Variants in THSD7A observed in about 807,000 individuals in gnomAD.
THSD7A encodes thrombospondin type-1 domain-containing protein 7A.
In THSD7A, 96 loss-of-function variants were observed where a neutral mutation model predicts 231.3. The ratio of observed to expected loss-of-function variants is 0.41; its 90% confidence interval spans 0.35 to 0.49. THSD7A has a LOEUF of 0.49. Ranked by LOEUF, THSD7A falls within the 20% of genes least tolerant of loss-of-function variation. The pLI is 0.05. For missense variants in THSD7A, 2,290 were observed against 2,070.2 expected, an observed-to-expected ratio of 1.11 and a Z score of -2.06; for synonymous variants, 940 against 743.3, an observed-to-expected ratio of 1.26 and a Z score of -4.30.
intron 1 of THSD7A, among the ~76,000 whole-genome samples, chr7:11,735,563 T>TGTGA: frequency 6.6e-6 from 1 of 151,764 alleles, no homozygotes; most frequent in East Asian, 1.9e-4. Flanking sequence ...ATTATGTATA[T>TGTGA]GTATTTCAAA....
At chr7:11,702,714 T>A (rs1472559872) in intron 1 of THSD7A, among the ~76,000 whole-genome samples, 2 of 151,220 alleles carry the variant, frequency 1.3e-5, no homozygotes, top group Non-Finnish European at 3.0e-5. Flanking sequence ...GCAAATTAAA[T>A]AATTATTTGT....
chr7:11,794,677 T>C (rs564194567), intron 1 of THSD7A, among the ~76,000 whole-genome samples: 3 of 151,964 alleles, frequency 2.0e-5, no homozygotes, highest in Non-Finnish European at 4.4e-5. Context: ...TAAGAATCAA[T>C]AATGAGGGGC....
At chr7:11,398,117 C>T (rs11772111) in intron 23 of THSD7A, among the ~76,000 whole-genome samples, 17,806 of 152,104 alleles carry the variant, frequency 0.12, 1,343 homozygotes, top group Non-Finnish European at 0.18. Context: ...TTCACAATAG[C>T]GAAGACTTGG....
chr7:11,637,082 G>C lies in THSD7A; in HGVS notation c.191-121C>G. Reference sequence around the variant, plus strand: ...AACTTCCCTGCGGTGTTACAAAGTAGGTCTCTGGACACGACTGTTGGAAAG... The same window carrying C: ...AACTTCCCTGCGGTGTTACAAAGTACGTCTCTGGACACGACTGTTGGAAAG... On this transcript the variant is annotated intron_variant, in intron 1 of 27. Transcript: ENST00000423059. The surrounding 1 kb of genome is among the most constrained non-coding windows in gnomAD (Gnocchi z 4.2). 2.2e-6 allele frequency: 2 copies of C among 901,244 alleles called. No homozygotes were observed. The highest frequency in any genetic ancestry group is 3.3e-6 in the Non-Finnish European group (2 of 604,236). 55.8% of individuals were successfully genotyped at this position (901,244 alleles called of 1,614,324 possible). A position where few individuals can be genotyped will look rare whatever the true frequency, so the allele number is the denominator to read the frequency against.
intron 1 of THSD7A, among the ~76,000 whole-genome samples, chr7:11,740,587 T>C (rs1782081039): frequency 6.6e-6 from 1 of 151,946 alleles, no homozygotes; most frequent in Admixed American, 6.6e-5. Context: ...TTCCTGGATA[T>C]AGCCTGACCT....
At chr7:11,463,461 A>T (rs1180923851) in intron 9 of THSD7A, among the ~76,000 whole-genome samples, 1 of 152,138 alleles carries the variant, frequency 6.6e-6, no homozygotes, top group African/African-American at 2.4e-5. Context: ...ATATTTAAAA[A>T]TCTTGCCAGG....
chr7:11,673,937 G>C (rs1018331568), intron 1 of THSD7A, among the ~76,000 whole-genome samples: 2 of 152,082 alleles, frequency 1.3e-5, no homozygotes, highest in African/African-American at 4.8e-5. Context: ...GGCTGGAGAA[G>C]TCATACTGGT....
At position 11,373,721 on chromosome 7, in the gene THSD7A, C is replaced by T. The variant is rs923343768; in HGVS notation, c.*2073G>A. 6.6e-6 allele frequency: 1 copy of T among 151,966 alleles called. No individual in the cohort carries two copies. Among genetic ancestry groups the T allele is most frequent in the Non-Finnish European group, 1.5e-5 (1 of 67,970 alleles). The allele number at this position is 151,966 out of a possible 1,614,324, so 9.4% of individuals were successfully genotyped here. On this transcript the variant is annotated 3_prime_UTR_variant, in exon 28 of 28. Coordinates refer to ENST00000423059, the MANE Select transcript of THSD7A (RefSeq NM_015204.3). ...GTCTTTTGTAATCTTTGCAAATACT[C>T]TAATGAACAGCAGGGGGAGTTCATA...
intron 4 of THSD7A, among the ~76,000 whole-genome samples, chr7:11,563,891 C>T (rs1462953428): frequency 6.6e-6 from 1 of 152,116 alleles, no homozygotes; most frequent in Non-Finnish European, 1.5e-5. Context: ...ATGCTTGCTG[C>T]TTGGATAATC....
chr7:11,556,281 GTGTGTA>G (rs1245372055), intron 4 of THSD7A, among the ~76,000 whole-genome samples: 7 of 150,758 alleles, frequency 4.6e-5, no homozygotes, highest in South Asian at 2.1e-4. Flanking sequence ...ATATATATGG[GTGTGTA>G]TGTGTATATG....
At chr7:11,678,879 G>A (rs1369746240) in intron 1 of THSD7A, among the ~76,000 whole-genome samples, 1 of 152,098 alleles carries the variant, frequency 6.6e-6, no homozygotes, top group Non-Finnish European at 1.5e-5. Flanking sequence ...ACCAAAACCT[G>A]GCAGAGTCAT....
intron 1 of THSD7A, among the ~76,000 whole-genome samples, chr7:11,666,746 T>C (rs1783151345): frequency 6.6e-6 from 1 of 151,246 alleles, no homozygotes; most frequent in Admixed American, 6.6e-5. Flanking sequence ...TTTATACATG[T>C]TATAAAACAT....
chr7:11,672,150 G>A (rs1783420376), intron 1 of THSD7A, among the ~76,000 whole-genome samples: 1 of 152,040 alleles, frequency 6.6e-6, no homozygotes, highest in South Asian at 2.1e-4. Flanking sequence ...CTCATTTTCT[G>A]GCTGTGGGCA....
At chr7:11,455,424 A>G (rs1785275737) in intron 11 of THSD7A, among the ~76,000 whole-genome samples, 1 of 152,076 alleles carries the variant, frequency 6.6e-6, no homozygotes, top group African/African-American at 2.4e-5. Flanking sequence ...CATTTTATGT[A>G]GCAGAGTAGC....
At chr7:11,480,841 T>TC in intron 7 of THSD7A, among the ~76,000 whole-genome samples, 2 of 151,804 alleles carry the variant, frequency 1.3e-5, no homozygotes, top group South Asian at 4.2e-4. Context: ...AACACAAAAC[T>TC]CCCCCCAAAT....
intron 13 of THSD7A, among the ~76,000 whole-genome samples, chr7:11,443,572 A>C (rs899846172): frequency 6.6e-6 from 1 of 152,008 alleles, no homozygotes. Flanking sequence ...GCAGAGCTTC[A>C]ATATTATGGA....
chr7:11,622,298 CTTTGT>C (rs1287843256), intron 2 of THSD7A, among the ~76,000 whole-genome samples: 1 of 151,816 alleles, frequency 6.6e-6, no homozygotes, highest in Non-Finnish European at 1.5e-5. Flanking sequence ...AAGGTAAGAA[CTTTGT>C]TTTCTCTTTT....
chr7:11,756,236 C>T (rs1194055612), intron 1 of THSD7A, among the ~76,000 whole-genome samples: 2 of 151,932 alleles, frequency 1.3e-5, no homozygotes. Flanking sequence ...TTAATTTAAA[C>T]ATTTTGAGGA....
chr7:11,591,321 G>A (rs746861795), intron 3 of THSD7A, among the ~76,000 whole-genome samples: 109 of 152,054 alleles, frequency 7.2e-4, no homozygotes, highest in Non-Finnish European at 1.1e-3. Context: ...GGGATTGTCA[G>A]TCCAACACGT....
Sources: gnomAD v4.1 joint callset for allele counts (sites outside exome capture counted in the v4.1 genomes callset) on GRCh38, gnomAD v4.1.1 for gene constraint, Gnocchi (gnomAD v3.1) non-coding constraint, MANE v1.5 for transcripts, NCBI Gene and HGNC (gene_info 2026-07-23, HGNC 2026-07-21) for gene names.